COBL: variants seen among roughly 807,000 people sequenced by gnomAD.
COBL encodes protein cordon-bleu.
Under a neutral mutation model 98.8 loss-of-function variants are expected in COBL, and 51 were observed. The observed-to-expected ratio is 0.52, with a 90% CI of 0.41 to 0.65. The LOEUF (loss-of-function observed/expected upper bound fraction) is 0.65, where lower values mean the gene tolerates loss of function less well. Among genes scored for constraint, COBL ranks in the 30% least tolerant of loss-of-function variants. The pLI is 0.00. For synonymous variants in COBL, 634 were observed against 651.7 expected, an observed-to-expected ratio of 0.97 and a Z score of 0.41; for missense variants, 1,617 against 1,617.5, an observed-to-expected ratio of 1.00 and a Z score of 0.01.
At position 51,028,944 on chromosome 7, in the gene COBL, G is replaced by T; in HGVS notation, c.2152C>A (p.Arg718=). The T allele has an allele frequency of 6.2e-7, 1 of 1,614,154 alleles. No individual in the cohort carries two copies. The highest frequency in any genetic ancestry group is 8.5e-7 in the Non-Finnish European group (1 of 1,180,032). The part of the protein sequence containing the change: ...YKIIPPKSEM[R]CYDRDVSLST... Reference sequence around the variant, plus strand: ...AGGGACACATCTCTGTCGTAACATCGCATCTCTGACTTTGGAGGAATGATT... The same window carrying T: ...AGGGACACATCTCTGTCGTAACATCTCATCTCTGACTTTGGAGGAATGATT... Residue 718 remains arginine (R), a synonymous_variant, in exon 10 of 13, where the codon CGA becomes AGA. Transcript: ENST00000265136.
At chr7:51,161,327 G>A (rs992637040) in intron 5 of COBL, among the ~76,000 whole-genome samples, 28 of 152,254 alleles carry the variant, frequency 1.8e-4, no homozygotes, top group Admixed American at 1.8e-3. Context: ...GTAAGCATAG[G>A]ACTCAGGGCA....
chr7:51,065,848 G>A (rs375593737), intron 7 of COBL, among the ~76,000 whole-genome samples: 20 of 152,362 alleles, frequency 1.3e-4, no homozygotes, highest in African/African-American at 4.6e-4. Context: ...TTCGGGTGGA[G>A]GCCTCATCCA....
At chr7:51,038,300 GC>G (rs1788836260) in intron 8 of COBL, among the ~76,000 whole-genome samples, 1 of 152,198 alleles carries the variant, frequency 6.6e-6, no homozygotes, top group South Asian at 2.1e-4. Flanking sequence ...CAGCAGCGAG[GC>G]CAGTCGAACC....
intron 5 of COBL, among the ~76,000 whole-genome samples, chr7:51,151,152 T>C (rs1163691402): frequency 6.6e-6 from 1 of 150,714 alleles, no homozygotes; most frequent in Non-Finnish European, 1.5e-5. Context: ...TCCCATACTA[T>C]TGTCAAATCC....
chr7:51,207,740 T>G (rs977936513), intron 2 of COBL, among the ~76,000 whole-genome samples: 1 of 152,260 alleles, frequency 6.6e-6, no homozygotes, highest in East Asian at 1.9e-4. Context: ...TGCTCAATGG[T>G]GCCCAGGCTG....
intron 5 of COBL, among the ~76,000 whole-genome samples, chr7:51,141,268 G>A (rs1562958367): frequency 6.6e-6 from 1 of 152,170 alleles, no homozygotes; most frequent in Non-Finnish European, 1.5e-5. Flanking sequence ...GAGGAATTCA[G>A]ATGTTGATTT....
Position 51,025,459 on chromosome 7 carries a change from TGAG to T in COBL, c.3505-90_3505-88del, listed in dbSNP as rs541374897. ...AATCCCAACGCCCAAGGTAGTGGCA[TGAG>T]GAGATGAGGATTGGGGGTGACTAGG... On this transcript the variant is annotated intron_variant, in intron 11 of 12. Coordinates refer to ENST00000265136, the MANE Select transcript of COBL (RefSeq NM_015198.5). 3,478 of 1,358,912 alleles carry T rather than the reference TGAG, an allele frequency of 2.6e-3. 8 individuals are homozygous for T. The highest frequency in any genetic ancestry group is 3.1e-3 in the Non-Finnish European group (3,028 of 973,244). The allele number at this position is 1,358,912 out of a possible 1,614,324, so 84.2% of individuals were successfully genotyped here.
intron 7 of COBL, chr7:51,083,029 A>G: frequency 6.5e-7 from 1 of 1,534,644 alleles, no homozygotes; most frequent in African/African-American, 1.4e-5. Context: ...AACAGTTAAC[A>G]CAGTCGGAAT....
chr7:51,241,950 A>G (rs1795830581), intron 1 of COBL, among the ~76,000 whole-genome samples: 1 of 135,392 alleles, frequency 7.4e-6, no homozygotes, highest in African/African-American at 3.1e-5. Flanking sequence ...TCAAAAGGAA[A>G]ACCCCAACTT....
chr7:51,090,773 T>C (rs915481496), intron 6 of COBL, among the ~76,000 whole-genome samples: 2 of 152,236 alleles, frequency 1.3e-5, no homozygotes, highest in African/African-American at 4.8e-5. Flanking sequence ...GTTCAGGGAC[T>C]GATTTCTGTC....
At chr7:51,057,461 A>C (rs1790877984) in intron 7 of COBL, among the ~76,000 whole-genome samples, 1 of 152,190 alleles carries the variant, frequency 6.6e-6, no homozygotes, top group Non-Finnish European at 1.5e-5. Context: ...ACAGTAGAGT[A>C]GTCAGCATAA....
chr7:51,096,985 A>AT (rs1795324826), intron 6 of COBL, among the ~76,000 whole-genome samples: 1 of 152,196 alleles, frequency 6.6e-6, no homozygotes, highest in African/African-American at 2.4e-5. Flanking sequence ...TTCCAGACTC[A>AT]TTTTATGATG....
intron 1 of COBL, among the ~76,000 whole-genome samples, chr7:51,275,571 G>C (rs1025349370): frequency 4.6e-5 from 7 of 152,020 alleles, no homozygotes; most frequent in African/African-American, 1.7e-4. Flanking sequence ...GGCACCCTCA[G>C]CAACAGTGCA....
At chr7:51,225,904 C>G (rs1047103423) in intron 1 of COBL, among the ~76,000 whole-genome samples, 2 of 152,214 alleles carry the variant, frequency 1.3e-5, no homozygotes, top group Admixed American at 1.3e-4. Flanking sequence ...AAACCTAACT[C>G]TATAGGTGAC....
chr7:51,229,732 C>A (rs900979881), intron 1 of COBL, among the ~76,000 whole-genome samples: 2 of 152,192 alleles, frequency 1.3e-5, no homozygotes, highest in African/African-American at 4.8e-5. Flanking sequence ...AAGCTCACTG[C>A]TTTCTTGCAG....
chr7:51,081,141 A>G (rs1793626476), intron 7 of COBL, among the ~76,000 whole-genome samples: 1 of 152,164 alleles, frequency 6.6e-6, no homozygotes, highest in Non-Finnish European at 1.5e-5. Context: ...CAAGAAGGGC[A>G]AGGCGCTTGC....
intron 7 of COBL, among the ~76,000 whole-genome samples, chr7:51,049,658 C>A (rs1021563829): frequency 6.6e-6 from 1 of 152,128 alleles, no homozygotes; most frequent in African/African-American, 2.4e-5. Context: ...CATTGGACTG[C>A]GTCTGAACAC....
At chr7:51,188,750 G>C (rs1417253398) in intron 4 of COBL, among the ~76,000 whole-genome samples, 1 of 152,198 alleles carries the variant, frequency 6.6e-6, no homozygotes, top group Non-Finnish European at 1.5e-5. Flanking sequence ...AGGATCAGAA[G>C]AGATGCTCTG....
chr7:51,039,060 C>T (rs1216079397), intron 8 of COBL, among the ~76,000 whole-genome samples: 2 of 152,194 alleles, frequency 1.3e-5, no homozygotes, highest in Non-Finnish European at 2.9e-5. Flanking sequence ...GCACCAGGAA[C>T]GGTGATCATG....
Sources: allele counts gnomAD v4.1 joint callset (sites outside exome capture counted in the v4.1 genomes callset), GRCh38; gene constraint gnomAD v4.1.1; transcripts MANE v1.5; gene names NCBI Gene and HGNC (gene_info 2026-07-23, HGNC 2026-07-21).